FOXM1: variants seen among roughly 807,000 people sequenced by gnomAD.
FOXM1 encodes the protein forkhead box M1, also known as forkhead box protein M1.
FOXM1 carries 25 observed loss-of-function variants against 63.6 expected under a neutral mutation model. That is an observed-to-expected ratio of 0.39 (90% CI 0.29 to 0.55). The LOEUF is 0.55. FOXM1 is among the 20% of genes least tolerant of loss of function. The probability of loss-of-function intolerance (pLI) is 0.60; values close to 1 mark genes in which losing one functional copy is unlikely to be tolerated. For missense variants in FOXM1, 879 were observed against 958.7 expected (o/e 0.92, Z 1.10); for synonymous variants, 387 against 376.9 (o/e 1.03, Z -0.31).
chr12:2,859,787 T>C, intron 8 of FOXM1, 124 bp from the exon 9 acceptor site: 1 of 704,814 alleles, frequency 1.4e-6, no homozygotes, highest in Non-Finnish European at 2.3e-6. Flanking sequence ...AATATGAGAA[T>C]ACGATGTATG....
At chr12:2,867,319 A>T (rs1237120446) in intron 4 of FOXM1, among the ~76,000 whole-genome samples, 3 of 151,956 alleles carry the variant, frequency 2.0e-5, no homozygotes, top group African/African-American at 7.3e-5. Flanking sequence ...CAAAAAAAAA[A>T]TTAGCGGACT....
In FOXM1 at chr12:2,874,197, C is replaced by G. The variant is rs2153941123; in HGVS notation, c.282G>C (p.Lys94Asn). The change falls in exon 2 of 9, where the codon AAG (lysine) becomes AAC (asparagine). Residue 94 changes from lysine (K) to asparagine (N), a missense_variant. Physicochemically the swap from Lys to Asn is moderately conservative, Grantham distance 94. Transcript: ENST00000359843. This position sits in a 1 kb window ranked among gnomAD's most constrained non-coding sequence, Gnocchi z 4.3. ...IHSIITALTA[K>N]GKESGSSGPN... ...GCCCACTACTGCCACTCTCTTTTCC[C>G]TTGGCAGTCAGTGCTGTGATGATGC... 6.2e-7 allele frequency: 1 copy of G among 1,614,172 alleles called. No individual in the cohort carries two copies. Among genetic ancestry groups the G allele is most frequent in the Non-Finnish European group, 8.5e-7 (1 of 1,180,032 alleles).
chr12:2,871,608 C>T (rs1300532780), intron 3 of FOXM1, among the ~76,000 whole-genome samples: 1 of 151,872 alleles, frequency 6.6e-6, no homozygotes, highest in Non-Finnish European at 1.5e-5. Context: ...GCCATGACTG[C>T]ACCATTGCGC....
At chr12:2,868,933 C>G (rs928491442) in intron 3 of FOXM1, among the ~76,000 whole-genome samples, 179 bp from the exon 4 acceptor site, 4 of 152,200 alleles carry the variant, frequency 2.6e-5, no homozygotes, top group Admixed American at 2.6e-4. Context: ...TGGAGATGAT[C>G]TAGCCTAGAC....
At chr12:2,863,839 G>C (rs1307290448) in intron 8 of FOXM1, 1 of 153,158 alleles carries the variant, frequency 6.5e-6, no homozygotes, top group Non-Finnish European at 1.5e-5. Context: ...CCAAGTAGCT[G>C]GGATTACAGG....
Position 2,864,743 on chromosome 12 carries a change from G to T in FOXM1, c.1030C>A (p.Arg344=). 6.2e-7 allele frequency: 1 copy of T among 1,614,182 alleles called. No homozygotes were observed. Residue 344 remains arginine (R), a synonymous_variant, in exon 7 of 9, where the codon CGA becomes AGA. Coordinates refer to ENST00000359843, the MANE Select transcript of FOXM1 (RefSeq NM_021953.4). This position sits in a 1 kb window ranked among gnomAD's most constrained non-coding sequence, Gnocchi z 5.1. ...TTCCGGCGGAGCTCTGGATTCGGTCGTTTCTGCTGCTGCTTGTGGCAGATG... is the reference window on the plus strand; with the variant it reads ...TTCCGGCGGAGCTCTGGATTCGGTCTTTTCTGCTGCTGCTTGTGGCAGATG... The part of the protein sequence containing the change: ...LPEHLESQQK[R]PNPELRRNMT...
At chr12:2,870,681 C>T (rs2098131617) in intron 3 of FOXM1, among the ~76,000 whole-genome samples, 1 of 151,072 alleles carries the variant, frequency 6.6e-6, no homozygotes, top group Non-Finnish European at 1.5e-5. Flanking sequence ...AAAAAAGAGG[C>T]CGGGCGCAGT....
rs576516851 is a variant in FOXM1, at chr12:2,874,057, A to G, written c.422T>C (p.Leu141Ser). Residue 141 changes from leucine to serine, a missense_variant, in exon 2 of 9, where the codon TTG becomes TCG. Physicochemically the swap from Leu to Ser is moderately radical, Grantham distance 145. Around this residue, in one of 4 missense-constraint regions of FOXM1, gnomAD observed 255 missense variants for 292.4 expected, o/e 0.87. Coordinates refer to ENST00000359843, the MANE Select transcript of FOXM1 (RefSeq NM_021953.4). This position sits in a 1 kb window ranked among gnomAD's most constrained non-coding sequence, Gnocchi z 4.3. ...AKRTEVTLETLGPKPAARDVN... is the reference protein window; with the variant it reads ...AKRTEVTLETSGPKPAARDVN... ...ATCCCTAGCTGCAGGTTTTGGTCCC[A>G]AGGTCTCCAGGGTCACTTCTGTCCT... is the stretch of plus-strand genomic sequence containing the variant. 2.4e-4 allele frequency: 380 copies of G among 1,614,116 alleles called. 5 individuals are homozygous for G. In the South Asian group the frequency reaches 4.1e-3, roughly 17 times the overall value.
Position 2,859,223 on chromosome 12 carries a change from G to A in FOXM1, c.1707C>T (p.Ser569=). ...GGAACGGGAGCTCTGCGGCCCAGCG[G>A]GAAGTACTGGGCCCCTCTGAGAAGA... The part of the protein sequence containing the change: ...ELLFSEGPST[S]RWAAELPFPA... The change falls in exon 9 of 9, where the codon TCC becomes TCT. Residue 569 remains serine (S), a synonymous_variant. Transcript: ENST00000359843. 1.2e-6 allele frequency: 2 copies of A among 1,613,258 alleles called. No individual in the cohort carries two copies. Among genetic ancestry groups the A allele is most frequent in the East Asian group, 4.5e-5 (2 of 44,858 alleles).
Position 2,872,083 on chromosome 12 carries a change from C to T in FOXM1, c.654+13G>A, listed in dbSNP as rs761301014. 1.4e-5 allele frequency: 23 copies of T among 1,613,844 alleles called. No individual in the cohort carries two copies. The highest frequency in any genetic ancestry group is 5.0e-5 in the Admixed American group (3 of 60,002). On this transcript the variant is annotated intron_variant, in intron 3 of 8. Transcript: ENST00000359843. This position sits in a 1 kb window ranked among gnomAD's most constrained non-coding sequence, Gnocchi z 4.0. ...TGGATCTGATTTCTTTAGTGAGGGACGGAACAATTCACCTTAACCTGTCGC... is the reference window on the plus strand; with the variant it reads ...TGGATCTGATTTCTTTAGTGAGGGATGGAACAATTCACCTTAACCTGTCGC...
Position 2,868,868 on chromosome 12 carries a change from A to G in FOXM1, c.655-114T>C, listed in dbSNP as rs557244571. 7.6e-5 allele frequency: 56 copies of G among 735,298 alleles called. 1 individual carries two copies. The East Asian group carries it at 1.4e-3, about 18-fold the overall frequency. The allele number at this position is 735,298 out of a possible 1,614,324, so 45.5% of individuals were successfully genotyped here. ...TATCCCATAGGACGGTCTAGAAACA[A>G]ACTCATCTGAGACCACTATCTCATA... On this transcript the variant is annotated intron_variant, in intron 3 of 8. Coordinates refer to ENST00000359843, the MANE Select transcript of FOXM1 (RefSeq NM_021953.4).
At position 2,864,603 on chromosome 12, in the gene FOXM1, A is replaced by G; in HGVS notation, c.1090+80T>C. 1 of 1,589,312 alleles carries G rather than the reference A, an allele frequency of 6.3e-7. No individual in the cohort carries two copies. The highest frequency in any genetic ancestry group is 8.6e-7 in the Non-Finnish European group (1 of 1,158,110). On this transcript the variant is annotated intron_variant, in intron 7 of 8. Transcript: ENST00000359843. This position sits in a 1 kb window ranked among gnomAD's most constrained non-coding sequence, Gnocchi z 5.1. ...GGGCTCAGATCCCTTTGAGGTGGGA[A>G]CAGAATCCCAGAGTCTGGTTCCCTA... is the stretch of plus-strand genomic sequence containing the variant.
intron 8 of FOXM1, chr12:2,861,404 C>A: frequency 3.2e-6 from 2 of 615,600 alleles, no homozygotes; most frequent in Non-Finnish European, 5.8e-6. Context: ...CCACCTGTTC[C>A]CCAAAAACCT....
At chr12:2,870,398 C>A (rs1423828476) in intron 3 of FOXM1, among the ~76,000 whole-genome samples, 2 of 152,240 alleles carry the variant, frequency 1.3e-5, no homozygotes, top group Non-Finnish European at 2.9e-5. Context: ...GGTACGGTGG[C>A]TCACGCCTGT....
In FOXM1 at chr12:2,859,420, C is replaced by A; in HGVS notation, c.1510G>T (p.Asp504Tyr). The A allele has an allele frequency of 2.5e-6, 4 of 1,614,024 alleles. No individual in the cohort carries two copies. Among genetic ancestry groups the A allele is most frequent in the Non-Finnish European group, 3.4e-6 (4 of 1,180,026 alleles). ...CTTGGGGTGGGAGATTGGGACGAAT[C>A]CTCCCAGGAGTGAGATGATTCCTCT... The part of the protein sequence containing the change: ...FKEESSHSWE[D>Y]SSQSPTPRPK... Residue 504 changes from aspartate to tyrosine, a missense_variant, in exon 9 of 9, where the codon GAT becomes TAT. This residue lies in a region of FOXM1 where 486 missense variants were observed against 453.5 expected (regional missense o/e 1.07). Coordinates refer to ENST00000359843, the MANE Select transcript of FOXM1 (RefSeq NM_021953.4).
chr12:2,864,093 T>A lies in FOXM1; in HGVS notation c.1266+227A>T, dbSNP rs2153934761. Reference sequence around the variant, plus strand: ...ATCACAATCACTTTTGTCTGAATTCTTACAAGCTCATCAGGTATTTATGGG... The same window carrying A: ...ATCACAATCACTTTTGTCTGAATTCATACAAGCTCATCAGGTATTTATGGG... On this transcript the variant is annotated intron_variant, in intron 8 of 8. Coordinates refer to ENST00000359843, the MANE Select transcript of FOXM1 (RefSeq NM_021953.4). The surrounding 1 kb of genome is among the most constrained non-coding windows in gnomAD (Gnocchi z 5.1). 8.0e-6 allele frequency: 4 copies of A among 501,864 alleles called. No individual in the cohort carries two copies. In the East Asian group the frequency reaches 1.2e-4, roughly 16 times the overall value. The allele number at this position is 501,864 out of a possible 1,614,324, so 31.1% of individuals were successfully genotyped here.
In FOXM1 at chr12:2,872,099, A is replaced by C; in HGVS notation, c.651T>G (p.Val217=). Residue 217 remains valine (V), a synonymous_variant, in exon 3 of 9, where the codon GTT becomes GTG. Transcript: ENST00000359843. The surrounding 1 kb of genome is among the most constrained non-coding windows in gnomAD (Gnocchi z 4.0). ...AGTGAGGGACGGAACAATTCACCTT[A>C]ACCTGTCGCTGCTCCAGGTGACAAT... The part of the protein sequence containing the change: ...KENCHLEQRQ[V]KVEEPSRPSA... The C allele has an allele frequency of 6.2e-7, 1 of 1,614,148 alleles. No homozygotes were observed. The highest frequency in any genetic ancestry group is 2.2e-5 in the East Asian group (1 of 44,892).
chr12:2,864,826 A>G lies in FOXM1; in HGVS notation c.1021-74T>C. 1 of 1,492,564 alleles carries G rather than the reference A, an allele frequency of 6.7e-7. No homozygotes were observed. The highest frequency in any genetic ancestry group is 9.3e-7 in the Non-Finnish European group (1 of 1,070,012). 92.5% of individuals were successfully genotyped at this position (1,492,564 alleles called of 1,614,324 possible). On this transcript the variant is annotated intron_variant, in intron 6 of 8. Coordinates refer to ENST00000359843, the MANE Select transcript of FOXM1 (RefSeq NM_021953.4). The surrounding 1 kb of genome is among the most constrained non-coding windows in gnomAD (Gnocchi z 5.1). ...GGTAAAGAGGGGATGGCAAAACCCC[A>G]CCAGCTGCTCTGGTGGTGTGTGCTT...
chr12:2,864,609 T>A lies in FOXM1; in HGVS notation c.1090+74A>T. The A allele has an allele frequency of 6.3e-7, 1 of 1,587,874 alleles. No homozygotes were observed. Among genetic ancestry groups the A allele is most frequent in the African/African-American group, 1.3e-5 (1 of 74,402 alleles). On this transcript the variant is annotated intron_variant, in intron 7 of 8. Transcript: ENST00000359843. This position sits in a 1 kb window ranked among gnomAD's most constrained non-coding sequence, Gnocchi z 5.1. ...AGATCCCTTTGAGGTGGGAACAGAA[T>A]CCCAGAGTCTGGTTCCCTAAAGATA...
Sources: allele counts gnomAD v4.1 joint callset (sites outside exome capture counted in the v4.1 genomes callset), GRCh38; gene constraint gnomAD v4.1.1; regional missense constraint gnomAD v4.1.1; non-coding constraint Gnocchi (gnomAD v3.1); transcripts MANE v1.5; gene names NCBI Gene and HGNC (gene_info 2026-07-23, HGNC 2026-07-21).